ARHGAP32: variants seen among roughly 807,000 people sequenced by gnomAD.
The protein encoded by ARHGAP32 is Rho GTPase activating protein 32, also known as rho GTPase-activating protein 32.
Under a neutral mutation model 186.5 loss-of-function variants are expected in ARHGAP32, and 51 were observed. That is an observed-to-expected ratio of 0.27 (90% CI 0.22 to 0.35). The LOEUF (loss-of-function observed/expected upper bound fraction) is 0.35. Ranked by LOEUF, ARHGAP32 falls within the 10% of genes least tolerant of loss-of-function variation. The probability of loss-of-function intolerance (pLI) is 1.00; values close to 1 mark genes in which losing one functional copy is unlikely to be tolerated. For missense variants in ARHGAP32, 2,186 were observed against 2,623.5 expected (o/e 0.83, Z 3.64); for synonymous variants, 950 against 964.3 (o/e 0.99, Z 0.27).
chr11:129,122,195 C>T (rs1196398373), intron 5 of ARHGAP32, among the ~76,000 whole-genome samples: 2 of 152,008 alleles, frequency 1.3e-5, no homozygotes, highest in Middle Eastern at 3.4e-3. Context: ...TAGAGATTTC[C>T]TAACCTTTCA....
At chr11:129,003,701 T>C (rs1476332178) in intron 11 of ARHGAP32, among the ~76,000 whole-genome samples, 2 of 152,184 alleles carry the variant, frequency 1.3e-5, no homozygotes, top group Non-Finnish European at 2.9e-5. Flanking sequence ...TAATGATCCC[T>C]TGAATTTCTG....
chr11:129,184,693 A>G (rs1257632187), intron 1 of ARHGAP32, among the ~76,000 whole-genome samples: 1 of 152,116 alleles, frequency 6.6e-6, no homozygotes, highest in African/African-American at 2.4e-5. Context: ...AAAGTCACTA[A>G]GTTCCAAAAT....
intron 2 of ARHGAP32, among the ~76,000 whole-genome samples, chr11:129,125,137 G>A (rs2135386154): frequency 6.6e-6 from 1 of 152,086 alleles, no homozygotes; most frequent in Admixed American, 6.5e-5. Flanking sequence ...TCATGCTTTT[G>A]TAATCAAATT....
chr11:129,278,932 A>C (rs2135740294), intron 1 of ARHGAP32, among the ~76,000 whole-genome samples: 2 of 139,646 alleles, frequency 1.4e-5, no homozygotes, highest in Admixed American at 7.0e-5. Flanking sequence ...CGGGCGCGGG[A>C]GGCGGTGGGC....
chr11:129,152,289 T>C (rs532866662), intron 2 of ARHGAP32, among the ~76,000 whole-genome samples: 1 of 152,290 alleles, frequency 6.6e-6, no homozygotes, highest in East Asian at 1.9e-4. Context: ...TTTTCACAGC[T>C]GAATTCTATA....
chr11:129,000,230 T>C (rs941250146), intron 11 of ARHGAP32, among the ~76,000 whole-genome samples: 4 of 152,150 alleles, frequency 2.6e-5, no homozygotes, highest in African/African-American at 9.7e-5. Context: ...GTGAGTAAAT[T>C]AATATTTGAA....
intron 11 of ARHGAP32, among the ~76,000 whole-genome samples, chr11:129,036,807 C>T (rs1221541501): frequency 2.0e-5 from 3 of 152,156 alleles, no homozygotes; most frequent in South Asian, 4.1e-4. Context: ...AAATCAGGAA[C>T]AAGACACGGA....
At chr11:128,973,469 G>C (rs779833876) in intron 21 of ARHGAP32, 37 bp from the exon 22 acceptor site, 5 of 1,601,862 alleles carry the variant, frequency 3.1e-6, no homozygotes, top group Non-Finnish European at 4.3e-6. Flanking sequence ...AGAGTGAAAA[G>C]GTAGCTTACG....
chr11:129,153,591 T>C (rs1943338089), intron 2 of ARHGAP32, among the ~76,000 whole-genome samples: 1 of 152,030 alleles, frequency 6.6e-6, no homozygotes, highest in Admixed American at 6.6e-5. Context: ...CAAATACTTA[T>C]GGCCAACTGA....
Position 128,974,288 on chromosome 11 carries a change from A to G in ARHGAP32, c.2909T>C (p.Ile970Thr). The change falls in exon 21 of 23, where the codon ATA becomes ACA. Residue 970 changes from isoleucine to threonine, a missense_variant. By Grantham distance (89) the Ile-to-Thr change is moderately conservative. This residue lies in a region of ARHGAP32 where 1,502 missense variants were observed against 1,570.0 expected (regional missense o/e 0.96). Coordinates refer to ENST00000682385, the MANE Select transcript of ARHGAP32 (RefSeq NM_001378024.1). Reference protein sequence around the residue: ...RDATNRSPTQIVKMKTNETVA... With the variant: ...RDATNRSPTQTVKMKTNETVA... ...TGTCTCATTTGTTTTCATCTTTACT[A>G]TCTGGGTGGGGGATCTATTTGTGGC... 1 of 1,614,124 alleles carries G rather than the reference A, an allele frequency of 6.2e-7. No homozygotes were observed. The highest frequency in any genetic ancestry group is 8.5e-7 in the Non-Finnish European group (1 of 1,180,032).
chr11:128,970,958 G>A lies in ARHGAP32; in HGVS notation c.4255C>T (p.His1419Tyr). Residue 1419 changes from histidine to tyrosine, a missense_variant, in exon 23 of 23, where the codon CAT becomes TAT. His to Tyr is a moderately conservative substitution (Grantham distance 83, BLOSUM62 2). Transcript: ENST00000682385. The surrounding 1 kb of genome is among the most constrained non-coding windows in gnomAD (Gnocchi z 5.8). ...LHLRAESVPAHPCGFPAPLPP... is the reference protein window; with the variant it reads ...LHLRAESVPAYPCGFPAPLPP... ...AGTGGTGCAGGAAAGCCACAGGGAT[G>A]CGCAGGGACAGACTCGGCGCGCAGG... 2 of 1,614,004 alleles carry A rather than the reference G, an allele frequency of 1.2e-6. No individual in the cohort carries two copies. The highest frequency in any genetic ancestry group is 1.1e-5 in the South Asian group (1 of 91,072).
At chr11:129,185,073 A>G (rs942790895) in intron 1 of ARHGAP32, among the ~76,000 whole-genome samples, 1 of 152,184 alleles carries the variant, frequency 6.6e-6, no homozygotes, top group Non-Finnish European at 1.5e-5. Flanking sequence ...AACTAGAAAT[A>G]CCATTTGACC....
rs1377448110 is a variant in ARHGAP32, at chr11:129,240,091, G to C, written c.-5+39055C>G. Reference sequence around the variant, plus strand: ...GAGTCTCACTCTGCTGCCCAGGCTAGAGTGCAGTGGCGTGATCTCGGCTCA... The same window carrying C: ...GAGTCTCACTCTGCTGCCCAGGCTACAGTGCAGTGGCGTGATCTCGGCTCA... On this transcript the variant is annotated intron_variant, in intron 1 of 6. Coordinates refer to the ARHGAP32 transcript ENST00000525234. Among the ~76,000 whole-genome samples, 3 of 151,888 alleles carry C rather than the reference G, an allele frequency of 2.0e-5. No homozygotes were observed. In the East Asian group the frequency reaches 5.8e-4, roughly 29 times the overall value.
At chr11:128,994,335 A>G (rs1038437231) in intron 12 of ARHGAP32, among the ~76,000 whole-genome samples, 5 of 151,850 alleles carry the variant, frequency 3.3e-5, no homozygotes, top group Non-Finnish European at 7.4e-5. Context: ...TTGTATTTTT[A>G]GTAGAGACAG....
intron 5 of ARHGAP32, among the ~76,000 whole-genome samples, chr11:129,117,690 G>A (rs1476183503): frequency 6.6e-6 from 1 of 151,742 alleles, no homozygotes; most frequent in Non-Finnish European, 1.5e-5. Flanking sequence ...GTATGAAATT[G>A]GATAAAAAGA....
At chr11:129,270,332 A>G (rs981083431) in intron 1 of ARHGAP32, among the ~76,000 whole-genome samples, 2 of 152,178 alleles carry the variant, frequency 1.3e-5, no homozygotes, top group Non-Finnish European at 2.9e-5. Flanking sequence ...TGGAAACAGT[A>G]AAAAGGCTGG....
chr11:129,230,461 C>T (rs943803297), intron 1 of ARHGAP32, among the ~76,000 whole-genome samples: 1 of 152,014 alleles, frequency 6.6e-6, no homozygotes, highest in African/African-American at 2.4e-5. Flanking sequence ...CAGAAACATA[C>T]AATGATGCAA....
chr11:129,162,107 G>T (rs989668909), intron 2 of ARHGAP32, among the ~76,000 whole-genome samples: 1 of 152,080 alleles, frequency 6.6e-6, no homozygotes, highest in Non-Finnish European at 1.5e-5. Flanking sequence ...GAGAACACAT[G>T]GACACAGTGA....
At chr11:129,111,530 A>AT (rs1942215066) in intron 5 of ARHGAP32, among the ~76,000 whole-genome samples, 1 of 152,034 alleles carries the variant, frequency 6.6e-6, no homozygotes, top group South Asian at 2.1e-4. Context: ...CATTCCTGAG[A>AT]TTTTCATTGT....
Sources: allele counts gnomAD v4.1 joint callset (sites outside exome capture counted in the v4.1 genomes callset), GRCh38; gene constraint gnomAD v4.1.1; regional missense constraint gnomAD v4.1.1; non-coding constraint Gnocchi (gnomAD v3.1); transcripts MANE v1.5; gene names NCBI Gene and HGNC (gene_info 2026-07-23, HGNC 2026-07-21).